The following PEX5L variants were observed in gnomAD, a reference collection of about 807,000 sequenced individuals.
PEX5L encodes the protein peroxisomal biogenesis factor 5 like.
A neutral mutation model predicts 84.0 loss-of-function variants in PEX5L; 30 were observed. That is an observed-to-expected ratio of 0.36 (90% CI 0.27 to 0.48). The LOEUF is 0.48. PEX5L is among the 20% of genes least tolerant of loss of function. PEX5L has a pLI of 0.99. For missense variants in PEX5L, 533 were observed against 754.6 expected (o/e 0.71, Z 3.44); for synonymous variants, 270 against 283.1 (o/e 0.95, Z 0.46).
Position 180,024,850 on chromosome 3 carries a change from G to GT in PEX5L, c.21+11728dup, listed in dbSNP as rs931281947. ...TCATAGCCTCAGTTGTCTCAGGGGT[G>GT]TGTGTGTTAGCATTATTATCAAAAT... On this transcript the variant is annotated intron_variant, in intron 1 of 14. Coordinates refer to ENST00000467460, the MANE Select transcript of PEX5L (RefSeq NM_016559.3). Among the ~76,000 whole-genome samples the GT allele has an allele frequency of 1.1e-4, 17 of 152,264 alleles. No homozygotes were observed. In the Middle Eastern group the frequency reaches 0.01, roughly 91 times the overall value.
At chr3:179,919,361 A>T (rs1364517808) in intron 2 of PEX5L, among the ~76,000 whole-genome samples, 2 of 152,210 alleles carry the variant, frequency 1.3e-5, no homozygotes, top group East Asian at 3.8e-4. Context: ...GTATGAGCTA[A>T]ATAGAAATCA....
chr3:180,026,410 T>C (rs553311974), intron 1 of PEX5L, among the ~76,000 whole-genome samples: 2 of 152,350 alleles, frequency 1.3e-5, no homozygotes, highest in Admixed American at 6.5e-5. Flanking sequence ...ATCTTGATTA[T>C]CATCATCCTT....
At position 179,847,077 on chromosome 3, in the gene PEX5L, G is replaced by GTATATA. The variant is rs1434411293; in HGVS notation, c.822+11984_822+11985insTATATA. Among the ~76,000 whole-genome samples the GTATATA allele has an allele frequency of 3.2e-4, 41 of 126,468 alleles. No homozygotes were observed. In the South Asian group the frequency reaches 8.4e-3, roughly 26 times the overall value. 83.0% of individuals were successfully genotyped at this position (126,468 alleles called of 152,430 possible). On this transcript the variant is annotated intron_variant, in intron 8 of 14. Transcript: ENST00000467460. Reference sequence around the variant, plus strand: ...TTTCTCCATGTGTGTGTGTGTGTGTGTGTGTATATATATATATATATATGT... The same window carrying GTATATA: ...TTTCTCCATGTGTGTGTGTGTGTGTGTATATATGTGTATATATATATATATATATGT...
At chr3:179,913,809 G>A (rs190677901) in intron 2 of PEX5L, among the ~76,000 whole-genome samples, 66 of 152,224 alleles carry the variant, frequency 4.3e-4, no homozygotes, top group African/African-American at 1.4e-3. Context: ...AGAATTCATT[G>A]TCTAGCTAGG....
chr3:179,810,809 T>A (rs947664728), intron 11 of PEX5L, among the ~76,000 whole-genome samples: 11 of 152,286 alleles, frequency 7.2e-5, no homozygotes, highest in African/African-American at 2.6e-4. Flanking sequence ...ATCAATTAAA[T>A]GATCATCTCT....
intron 8 of PEX5L, among the ~76,000 whole-genome samples, chr3:179,829,095 A>G (rs1188764030): frequency 3.9e-5 from 6 of 152,234 alleles, no homozygotes; most frequent in African/African-American, 1.4e-4. Flanking sequence ...TTATGTATAC[A>G]GAGTAGACAA....
chr3:179,949,190 A>G (rs1275171985), intron 2 of PEX5L, among the ~76,000 whole-genome samples: 1 of 152,216 alleles, frequency 6.6e-6, no homozygotes, highest in African/African-American at 2.4e-5. Context: ...AATAAATGGT[A>G]AAGTACAGAA....
chr3:179,956,369 G>A (rs113780171), intron 2 of PEX5L, among the ~76,000 whole-genome samples: 8 of 152,154 alleles, frequency 5.3e-5, no homozygotes, highest in African/African-American at 1.9e-4. Context: ...ATTCTAAAAC[G>A]AATTCACGAT....
chr3:180,022,732 A>G (rs1350189165), intron 1 of PEX5L, among the ~76,000 whole-genome samples: 1 of 152,196 alleles, frequency 6.6e-6, no homozygotes, highest in South Asian at 2.1e-4. Flanking sequence ...GATTAATCCC[A>G]TAGCCTCAAT....
chr3:180,032,575 C>T (rs577796704), intron 1 of PEX5L, among the ~76,000 whole-genome samples: 5 of 152,266 alleles, frequency 3.3e-5, no homozygotes, highest in South Asian at 2.1e-4. Flanking sequence ...AAGGGTGAGC[C>T]GGGAGCTGCG....
chr3:179,882,059 C>T (rs1754323353), intron 4 of PEX5L, among the ~76,000 whole-genome samples: 1 of 152,154 alleles, frequency 6.6e-6, no homozygotes, highest in African/African-American at 2.4e-5. Context: ...TTCCAGACCA[C>T]TATTATGTTG....
chr3:179,859,202 G>A, intron 7 of PEX5L, 45 bp from the exon 8 acceptor site: 1 of 1,366,152 alleles, frequency 7.3e-7, no homozygotes, highest in Non-Finnish European at 1.0e-6. Context: ...AGAATCACAT[G>A]TTATTATAGA....
chr3:180,003,344 G>C (rs1326346106), intron 1 of PEX5L, among the ~76,000 whole-genome samples: 1 of 151,584 alleles, frequency 6.6e-6, no homozygotes, highest in African/African-American at 2.4e-5. Context: ...ATTAGGTTTT[G>C]TAAAAGACTG....
intron 1 of PEX5L, among the ~76,000 whole-genome samples, chr3:179,977,125 C>A (rs1234302560): frequency 2.0e-5 from 3 of 152,096 alleles, no homozygotes; most frequent in Admixed American, 6.5e-5. Context: ...TTTCTTTATA[C>A]TTGGGAGTGC....
chr3:179,967,936 C>G (rs1294687004), intron 2 of PEX5L, among the ~76,000 whole-genome samples: 1 of 152,136 alleles, frequency 6.6e-6, no homozygotes, highest in African/African-American at 2.4e-5. Context: ...GATGCTGAAA[C>G]AGCTAAAGCT....
rs922977292 is a variant in PEX5L at position 179,800,106 on chromosome 3, C to G, written c.*1722G>C. ...GTGGTTTCTGTTAACTTGAGGCCCTCTCACAACCCAAGGACTTCAGATGTA... is the reference window on the plus strand; with the variant it reads ...GTGGTTTCTGTTAACTTGAGGCCCTGTCACAACCCAAGGACTTCAGATGTA... On this transcript the variant is annotated 3_prime_UTR_variant, in exon 15 of 15. Transcript: ENST00000467460. 1 of 152,214 alleles carries G rather than the reference C, an allele frequency of 6.6e-6. No individual in the cohort carries two copies. The highest frequency in any genetic ancestry group is 2.4e-5 in the African/African-American group (1 of 41,438). 9.4% of individuals were successfully genotyped at this position (152,214 alleles called of 1,614,324 possible). A position where few individuals can be genotyped will look rare whatever the true frequency, so the allele number is the denominator to read the frequency against.
intron 8 of PEX5L, among the ~76,000 whole-genome samples, chr3:179,832,727 C>A (rs945677350): frequency 1.3e-5 from 2 of 151,526 alleles, no homozygotes; most frequent in African/African-American, 4.8e-5. Flanking sequence ...TAGTTACCCA[C>A]CCACTTACCT....
intron 1 of PEX5L, among the ~76,000 whole-genome samples, chr3:180,033,116 T>A (rs1211864231): frequency 3.9e-5 from 6 of 152,208 alleles, no homozygotes; most frequent in Non-Finnish European, 7.3e-5. Flanking sequence ...GCTATTCCCC[T>A]TTGTAGAGAT....
intron 12 of PEX5L, among the ~76,000 whole-genome samples, chr3:179,809,102 A>G (rs1172574955): frequency 6.8e-6 from 1 of 147,090 alleles, no homozygotes; most frequent in Non-Finnish European, 1.5e-5. Flanking sequence ...AAAAAAAAAG[A>G]AAACAAAATT....
Sources: allele counts gnomAD v4.1 joint callset (sites outside exome capture counted in the v4.1 genomes callset), GRCh38; gene constraint gnomAD v4.1.1; transcripts MANE v1.5; gene names NCBI Gene and HGNC (gene_info 2026-07-23, HGNC 2026-07-21).